Variants in SLC29A2 observed in about 807,000 individuals in gnomAD.
SLC29A2 encodes equilibrative nucleoside transporter 2.
Under a neutral mutation model 48.8 loss-of-function variants are expected in SLC29A2, and 37 were observed. That is an observed-to-expected ratio of 0.76 (90% CI 0.58 to 1.00). The LOEUF is 1.00. SLC29A2 is among the 50% of genes least tolerant of loss of function. The pLI is 0.00. For missense variants in SLC29A2, 533 were observed against 578.6 expected (o/e 0.92, Z 0.81); for synonymous variants, 233 against 261.7 (o/e 0.89, Z 1.06).
Position 66,366,031 on chromosome 11 carries a change from A to G in SLC29A2, c.974-10T>C. On this transcript the variant is annotated splice_polypyrimidine_tract_variant and intron_variant, in intron 9 of 11. Coordinates refer to ENST00000357440, the MANE Select transcript of SLC29A2 (RefSeq NM_001532.3). ...GGGTTGAAGAACTGACCTGGGAGGG[A>G]AACGGCTGCAGCTCATACTGGTCTC... The G allele has an allele frequency of 6.2e-7, 1 of 1,613,748 alleles. No homozygotes were observed. The highest frequency in any genetic ancestry group is 8.5e-7 in the Non-Finnish European group (1 of 1,179,672).
At chr11:66,370,657 A>G (rs1855982860) in intron 2 of SLC29A2, among the ~76,000 whole-genome samples, 1 of 152,094 alleles carries the variant, frequency 6.6e-6, no homozygotes, top group Admixed American at 6.5e-5. Flanking sequence ...GGAGATCGAG[A>G]CCATCCTGGC....
intron 10 of SLC29A2, 54 bp from the exon 11 acceptor site, chr11:66,364,478 G>A: frequency 7.3e-7 from 1 of 1,378,320 alleles, no homozygotes; most frequent in South Asian, 1.2e-5. Flanking sequence ...TCTGCTCCAG[G>A]GCATCTCAGG....
At chr11:66,371,042 C>T (rs929289943) in intron 2 of SLC29A2, among the ~76,000 whole-genome samples, 1 of 152,086 alleles carries the variant, frequency 6.6e-6, no homozygotes, top group Non-Finnish European at 1.5e-5. Flanking sequence ...GTGGCCTTGC[C>T]CCTCTGAGAT....
Position 66,369,371 on chromosome 11 carries a change from C to T in SLC29A2, c.273G>A (p.Gln91=), listed in dbSNP as rs190643110. The T allele has an allele frequency of 1.2e-6, 2 of 1,613,988 alleles. No homozygotes were observed. Among genetic ancestry groups the T allele is most frequent in the African/African-American group, 1.3e-5 (1 of 75,018 alleles). The change falls in exon 3 of 12, where the codon CAG becomes CAA. Residue 91 remains glutamine, a splice_region_variant and synonymous_variant. Coordinates refer to ENST00000357440, the MANE Select transcript of SLC29A2 (RefSeq NM_001532.3). ...AGGAGCCAGGGCAGGCCTCTCACCA[C>T]TGGTACAGGAAGGAGTTGAGGAGGG... is the stretch of plus-strand genomic sequence containing the variant. ...LFTLLNSFLY[Q]CVPETVRILG...
rs1253085033 is a variant in SLC29A2, at chr11:66,371,385, C to T, written c.30-60G>A. On this transcript the variant is annotated intron_variant, in intron 1 of 11. Coordinates refer to ENST00000357440, the MANE Select transcript of SLC29A2 (RefSeq NM_001532.3). ...GCACCCGCCTCCGCAGGCCCTCCCGCCTCCCAGGCCACCCCCTCCGGAGCG... is the reference window on the plus strand; with the variant it reads ...GCACCCGCCTCCGCAGGCCCTCCCGTCTCCCAGGCCACCCCCTCCGGAGCG... The T allele has an allele frequency of 2.0e-5, 31 of 1,577,652 alleles. No homozygotes were observed. The East Asian group carries it at 6.8e-4, about 34-fold the overall frequency.
At chr11:66,368,748 T>C in intron 4 of SLC29A2, 77 bp from the exon 5 acceptor site, 6 of 1,541,890 alleles carry the variant, frequency 3.9e-6, no homozygotes, top group Non-Finnish European at 5.3e-6. Context: ...GCCGGCAGGA[T>C]ACACAGGGGA....
Position 66,369,461 on chromosome 11 carries a change from G to A in SLC29A2, c.183C>T (p.Pro61=), listed in dbSNP as rs750969887. The change falls in exon 3 of 12, where the codon CCC becomes CCT. Residue 61 remains proline (P), a synonymous_variant. Transcript: ENST00000357440. ...AATTGTTGAAGTTGAAGGCATCCTC[G>A]GGACCCGTGTGGTTGGTGCTCAGGA... ...ARILSTNHTG[P]EDAFNFNNWV... 3.7e-6 allele frequency: 6 copies of A among 1,613,954 alleles called. No individual in the cohort carries two copies. Among genetic ancestry groups the A allele is most frequent in the Non-Finnish European group, 5.1e-6 (6 of 1,179,994 alleles).
rs562264515 is a variant in SLC29A2, at chr11:66,367,988, G to A, written c.551-119C>T. The A allele has an allele frequency of 2.8e-4, 216 of 770,022 alleles. No individual in the cohort carries two copies. In the South Asian group the frequency reaches 2.8e-3, roughly 10 times the overall value. 47.7% of individuals were successfully genotyped at this position (770,022 alleles called of 1,614,324 possible). A position where few individuals can be genotyped will look rare whatever the true frequency, so the allele number is the denominator to read the frequency against. ...CTCAGACCCACTCCCAGCCTCTTCC[G>A]CTCCTCCCTTCACTGACAAATGGGA... On this transcript the variant is annotated intron_variant, in intron 5 of 11. Transcript: ENST00000357440.
In SLC29A2 at chr11:66,369,469, T is replaced by C; in HGVS notation, c.175A>G (p.Thr59Ala). 6.2e-7 allele frequency: 1 copy of C among 1,613,992 alleles called. No individual in the cohort carries two copies. The change falls in exon 3 of 12, where the codon ACG becomes GCG. Residue 59 changes from threonine (T) to alanine (A), a missense_variant. Coordinates refer to ENST00000357440, the MANE Select transcript of SLC29A2 (RefSeq NM_001532.3). ...STARILSTNHTGPEDAFNFNN... is the reference protein window; with the variant it reads ...STARILSTNHAGPEDAFNFNN... Reference sequence around the variant, plus strand: ...AAGTTGAAGGCATCCTCGGGACCCGTGTGGTTGGTGCTCAGGATCCTGGCT... The same window carrying C: ...AAGTTGAAGGCATCCTCGGGACCCGCGTGGTTGGTGCTCAGGATCCTGGCT...
Position 66,364,348 on chromosome 11 carries a change from T to G in SLC29A2, c.1136A>C (p.His379Pro). ...GGGCAGCCGGGACCTCTGGGGCACG[T>G]GGCACAGCATGAAGAGGGGCACGAA... ...FLFVPLFMLCHVPQRSRLPIL... is the reference protein window; with the variant it reads ...FLFVPLFMLCPVPQRSRLPIL... Residue 379 changes from histidine (H) to proline (P), a missense_variant, in exon 11 of 12, where the codon CAC becomes CCC. By Grantham distance (77) the His-to-Pro change is moderately conservative. Transcript: ENST00000357440. The G allele has an allele frequency of 1.9e-6, 3 of 1,613,764 alleles. No individual in the cohort carries two copies. The highest frequency in any genetic ancestry group is 1.1e-5 in the South Asian group (1 of 91,052).
At position 66,369,434 on chromosome 11, in the gene SLC29A2, C is replaced by A. The variant is rs1457847978; in HGVS notation, c.210G>T (p.Trp70Cys). 1 of 1,614,064 alleles carries A rather than the reference C, an allele frequency of 6.2e-7. No homozygotes were observed. ...GPEDAFNFNN[W>C]VTLLSQLPLL... ...GGGGCAGCTGGGACAGCAGCGTCAC[C>A]CAATTGTTGAAGTTGAAGGCATCCT... Residue 70 changes from tryptophan (W) to cysteine (C), a missense_variant, in exon 3 of 12, where the codon TGG becomes TGT. Coordinates refer to ENST00000357440, the MANE Select transcript of SLC29A2 (RefSeq NM_001532.3).
intron 4 of SLC29A2, 82 bp from the exon 5 acceptor site, chr11:66,368,753 A>T: frequency 6.5e-7 from 1 of 1,536,892 alleles, no homozygotes; most frequent in South Asian, 1.2e-5. Context: ...CAGGATACAC[A>T]GGGGACTCTG....
Position 66,368,626 on chromosome 11 carries a change from G to A in SLC29A2, c.461C>T (p.Thr154Ile). ...GAGGGTGCTGTAGGTGGAGGGCATG[G>A]TGCCCAGCTGCCCGAAGAGGCTGCC... is the stretch of plus-strand genomic sequence containing the variant. ...LQGSLFGQLG[T>I]MPSTYSTLFL... The change falls in exon 5 of 12, where the codon ACC (threonine) becomes ATC (isoleucine). Residue 154 changes from threonine to isoleucine, a missense_variant. Coordinates refer to ENST00000357440, the MANE Select transcript of SLC29A2 (RefSeq NM_001532.3). 1 of 1,604,818 alleles carries A rather than the reference G, an allele frequency of 6.2e-7. No individual in the cohort carries two copies. Among genetic ancestry groups the A allele is most frequent in the South Asian group, 1.1e-5 (1 of 89,342 alleles).
At position 66,363,269 on chromosome 11, in the gene SLC29A2, C is replaced by T. The variant is rs1267861263; in HGVS notation, c.*167G>A. ...ACCGGTGGTGATTTCTTCCCCACAG[C>T]ACTCCAAGTGGATGAAGAGCAGCTC... On this transcript the variant is annotated 3_prime_UTR_variant, in exon 12 of 12. Coordinates refer to ENST00000357440, the MANE Select transcript of SLC29A2 (RefSeq NM_001532.3). 2 of 683,702 alleles carry T rather than the reference C, an allele frequency of 2.9e-6. No individual in the cohort carries two copies. The highest frequency in any genetic ancestry group is 4.4e-5 in the Admixed American group (2 of 45,556). The allele number at this position is 683,702 out of a possible 1,614,324, so 42.4% of individuals were successfully genotyped here.
intron 3 of SLC29A2, 71 bp from the exon 4 acceptor site, chr11:66,369,270 C>T (rs1007060898): frequency 1.3e-6 from 2 of 1,588,436 alleles, no homozygotes; most frequent in Non-Finnish European, 1.7e-6. Flanking sequence ...GGCTCGACAC[C>T]TGGGGCTGGG....
intron 10 of SLC29A2, chr11:66,364,828 T>TTGTGTG (rs55776036): frequency 0.051 from 8,234 of 161,944 alleles, 244 homozygotes; most frequent in Non-Finnish European, 0.065. Context: ...CATTAAAAAT[T>TTGTGTG]TGTGTGTGTG....
At chr11:66,369,012 G>A in intron 4 of SLC29A2, 48 bp downstream of exon 4, 1 of 1,575,294 alleles carries the variant, frequency 6.3e-7, no homozygotes, top group Non-Finnish European at 8.6e-7. Flanking sequence ...GATGAGGCCA[G>A]GCTGAAGCCC....
At position 66,366,209 on chromosome 11, in the gene SLC29A2, A is replaced by G; in HGVS notation, c.890T>C (p.Leu297Pro). The G allele has an allele frequency of 6.2e-7, 1 of 1,614,126 alleles. No homozygotes were observed. The highest frequency in any genetic ancestry group is 8.5e-7 in the Non-Finnish European group (1 of 1,179,978). Residue 297 changes from leucine to proline, a missense_variant, in exon 9 of 12, where the codon CTT (leucine) becomes CCT (proline). Leu to Pro is a moderately conservative substitution (Grantham distance 98). Coordinates refer to ENST00000357440, the MANE Select transcript of SLC29A2 (RefSeq NM_001532.3). ...FQKIWLTALC[L>P]VLVFTVTLSV... ...CAGGGTGACTGTGAAGACCAACACA[A>G]GGCACAGCGCTGTCAGCCAGATCTG...
intron 4 of SLC29A2, 107 bp from the exon 5 acceptor site, chr11:66,368,778 G>A (rs1855856613): frequency 4.1e-6 from 6 of 1,446,404 alleles, no homozygotes; most frequent in Non-Finnish European, 4.7e-6. Flanking sequence ...AGGTTGCGCA[G>A]GTGTGAGCTT....
Sources: gnomAD v4.1 joint callset for allele counts (sites outside exome capture counted in the v4.1 genomes callset) on GRCh38, gnomAD v4.1.1 for gene constraint, MANE v1.5 for transcripts, NCBI Gene and HGNC (gene_info 2026-07-23, HGNC 2026-07-21) for gene names.